SLC41A1: variants seen among roughly 807,000 people sequenced by gnomAD.
SLC41A1 encodes the protein solute carrier family 41 (magnesium transporter), member 1.
In SLC41A1, 20 loss-of-function variants were observed where a neutral mutation model predicts 47.3. The observed-to-expected ratio is 0.42, with a 90% confidence interval of 0.30 to 0.61. The LOEUF (loss-of-function observed/expected upper bound fraction) is 0.61. SLC41A1 is among the 20% of genes least tolerant of loss of function. The pLI, the probability that SLC41A1 is intolerant of heterozygous loss-of-function variation, is 0.17. For synonymous variants in SLC41A1, 282 were observed against 272.7 expected (o/e 1.03, Z -0.34); for missense variants, 504 against 674.1 (o/e 0.75, Z 2.79).
At chr1:205,803,310 C>A (rs192682599) in intron 2 of SLC41A1, among the ~76,000 whole-genome samples, 143 of 152,320 alleles carry the variant, frequency 9.4e-4, no homozygotes, top group Middle Eastern at 3.4e-3. Flanking sequence ...AGCAATCCCA[C>A]TTCTGGATAT....
At position 205,798,185 on chromosome 1, in the gene SLC41A1, T is replaced by C; in HGVS notation, c.845-134A>G. On this transcript the variant is annotated intron_variant, in intron 6 of 10. Transcript: ENST00000367137. ...AATGCCAGTAAACACATTATCCCAT[T>C]TGATCTTCACTGGCAGCTCAGGAGG... 4.4e-6 allele frequency: 6 copies of C among 1,358,518 alleles called. No homozygotes were observed. In the South Asian group the frequency reaches 7.5e-5, roughly 17 times the overall value. 84.2% of individuals were successfully genotyped at this position (1,358,518 alleles called of 1,614,324 possible).
At chr1:205,803,026 G>A (rs568192799) in intron 2 of SLC41A1, among the ~76,000 whole-genome samples, 18 of 152,078 alleles carry the variant, frequency 1.2e-4, no homozygotes, top group Admixed American at 2.0e-4. Context: ...AAAATTAGCC[G>A]GGAATGGTGG....
rs538515698 is a variant in SLC41A1 at position 205,791,217 on chromosome 1, C to T, written c.*316G>A. 10 of 409,564 alleles carry T rather than the reference C, an allele frequency of 2.4e-5. No homozygotes were observed. Among genetic ancestry groups the T allele is most frequent in the South Asian group, 2.2e-4 (10 of 45,580 alleles). 25.4% of individuals were successfully genotyped at this position (409,564 alleles called of 1,614,324 possible). On this transcript the variant is annotated 3_prime_UTR_variant, in exon 11 of 11. Coordinates refer to ENST00000367137, the MANE Select transcript of SLC41A1 (RefSeq NM_173854.6). The surrounding 1 kb of genome is among the most constrained non-coding windows in gnomAD (Gnocchi z 4.0). ...CAAGACAGGTTGCTAAAGCCAAACCCCATGTCCCCAGATTCCAGACAAAAC... is the reference window on the plus strand; with the variant it reads ...CAAGACAGGTTGCTAAAGCCAAACCTCATGTCCCCAGATTCCAGACAAAAC...
intron 1 of SLC41A1, among the ~76,000 whole-genome samples, chr1:205,812,232 CCAAACACACA>C (rs969307482): frequency 6.6e-6 from 1 of 152,170 alleles, no homozygotes; most frequent in African/African-American, 2.4e-5. Flanking sequence ...CTTAAGTATT[CCAAACACACA>C]CAATTAGTCA....
rs1655864553 is a variant in SLC41A1 at position 205,800,956 on chromosome 1, A to G, written c.477T>C (p.Thr159=). 6.2e-7 allele frequency: 1 copy of G among 1,613,828 alleles called. No individual in the cohort carries two copies. Among genetic ancestry groups the G allele is most frequent in the Admixed American group, 1.7e-5 (1 of 60,004 alleles). The change falls in exon 3 of 11, where the codon ACT becomes ACC. Residue 159 remains threonine, a synonymous_variant. Transcript: ENST00000367137. ...LEMTLASRLS[T]AANIGHMDTP... ...TCCTCCCAGCCAGGATACTCACTGCAGTGGAAAGCCTTGATGCCAGGGTCA... is the reference window on the plus strand; with the variant it reads ...TCCTCCCAGCCAGGATACTCACTGCGGTGGAAAGCCTTGATGCCAGGGTCA...
chr1:205,798,312 C>CT (rs1435745100), intron 6 of SLC41A1, among the ~76,000 whole-genome samples: 13 of 152,286 alleles, frequency 8.5e-5, no homozygotes, highest in African/African-American at 2.4e-5. Flanking sequence ...GACAGAGACT[C>CT]TAGGTCTCTT....
Position 205,810,287 on chromosome 1 carries a change from T to G in SLC41A1, c.155A>C (p.Glu52Ala). 3.1e-6 allele frequency: 5 copies of G among 1,614,104 alleles called. 1 individual carries two copies. The highest frequency in any genetic ancestry group is 3.3e-4 in the Middle Eastern group (2 of 6,062). The change falls in exon 2 of 11, where the codon GAG becomes GCG. Residue 52 changes from glutamate to alanine, a missense_variant. This residue lies in a region of SLC41A1 where 83 missense variants were observed against 72.5 expected (regional missense o/e 1.15). Coordinates refer to ENST00000367137, the MANE Select transcript of SLC41A1 (RefSeq NM_173854.6). The surrounding 1 kb of genome is among the most constrained non-coding windows in gnomAD (Gnocchi z 5.5). Reference protein sequence around the residue: ...PDGAGVEVVIESRANAKGVRE... With the variant: ...PDGAGVEVVIASRANAKGVRE... ...AACCCCCTTGGCGTTGGCCCGAGAC[T>G]CAATCACCACCTCTACCCCAGCCCC...
chr1:205,799,663 A>C, intron 4 of SLC41A1, 96 bp downstream of exon 4: 1 of 1,352,536 alleles, frequency 7.4e-7, no homozygotes. Context: ...GATACTGGAG[A>C]TTCACTCAGG....
In SLC41A1 at chr1:205,812,013, A is replaced by C. The variant is rs537858769; in HGVS notation, c.-647+795T>G. On this transcript the variant is annotated intron_variant, in intron 1 of 10. Coordinates refer to ENST00000367137, the MANE Select transcript of SLC41A1 (RefSeq NM_173854.6). Reference sequence around the variant, plus strand: ...AAAAACAAAAGTAGCAATAAAAAAAACCCAAAACAAAAACCAAAGCACCGT... The same window carrying C: ...AAAAACAAAAGTAGCAATAAAAAAACCCCAAAACAAAAACCAAAGCACCGT... 6.8e-4 allele frequency among the ~76,000 whole-genome samples: 103 copies of C among 152,302 alleles called. 1 individual carries two copies. Among genetic ancestry groups the C allele is most frequent in the African/African-American group, 2.4e-3 (99 of 41,566 alleles).
intron 2 of SLC41A1, among the ~76,000 whole-genome samples, chr1:205,802,577 C>T (rs568744542): frequency 3.2e-4 from 49 of 151,722 alleles, no homozygotes; most frequent in African/African-American, 1.1e-3. Flanking sequence ...ATTAGCTGGT[C>T]GTGGTGGCAC....
intron 2 of SLC41A1, among the ~76,000 whole-genome samples, chr1:205,807,241 C>T (rs1033626302): frequency 2.6e-5 from 4 of 152,230 alleles, no homozygotes; most frequent in Non-Finnish European, 5.9e-5. Flanking sequence ...CACTCACCCC[C>T]TCCTGCCATC....
Position 205,813,098 on chromosome 1 carries a change from G to T in SLC41A1, c.-937C>A, listed in dbSNP as rs762361940. On this transcript the variant is annotated 5_prime_UTR_variant, in exon 1 of 11. Transcript: ENST00000367137. ...GCCCGGCGGGGGGGCACCCGGACGGGGGACCGGGGAGCCGAGCTCACGCGC... is the reference window on the plus strand; with the variant it reads ...GCCCGGCGGGGGGGCACCCGGACGGTGGACCGGGGAGCCGAGCTCACGCGC... The T allele has an allele frequency of 3.0e-6, 3 of 985,434 alleles. No individual in the cohort carries two copies. The highest frequency in any genetic ancestry group is 3.6e-6 in the Non-Finnish European group (3 of 830,022). 61.0% of individuals were successfully genotyped at this position (985,434 alleles called of 1,614,324 possible). A position where few individuals can be genotyped will look rare whatever the true frequency, so the allele number is the denominator to read the frequency against.
chr1:205,800,246 G>A lies in SLC41A1; in HGVS notation c.481-416C>T, dbSNP rs1655849185. 1.3e-5 allele frequency among the ~76,000 whole-genome samples: 2 copies of A among 152,348 alleles called. 1 individual carries two copies. The highest frequency in any genetic ancestry group is 6.8e-3 in the Middle Eastern group (2 of 294). On this transcript the variant is annotated intron_variant, in intron 3 of 10. Transcript: ENST00000367137. ...CAGGACTGAGGCTCCAAGAGTATTT[G>A]GGAAGGAGTGGGTGGCATGGGCCAG...
intron 1 of SLC41A1, among the ~76,000 whole-genome samples, chr1:205,811,301 A>G (rs1273884887): frequency 6.6e-6 from 1 of 152,090 alleles, no homozygotes; most frequent in Admixed American, 6.5e-5. Context: ...CCCCACCAGC[A>G]ACCCTCCTGA....
rs372618362 is a variant in SLC41A1 at position 205,810,208 on chromosome 1, G to A, written c.234C>T (p.Asp78=). Residue 78 remains aspartate (D), a synonymous_variant, in exon 2 of 11, where the codon GAC becomes GAT. Coordinates refer to ENST00000367137, the MANE Select transcript of SLC41A1 (RefSeq NM_173854.6). The surrounding 1 kb of genome is among the most constrained non-coding windows in gnomAD (Gnocchi z 5.5). The part of the protein sequence containing the change: ...ENGSQSNESD[D]VSTDRGPAPP... The stretch of plus-strand genomic sequence containing the variant: ...GCGCAGGGCCACGGTCTGTGCTGAC[G>A]TCGTCACTTTCGTTGCTCTGGCTCC... 9.1e-5 allele frequency: 147 copies of A among 1,614,124 alleles called. No individual in the cohort carries two copies. Among genetic ancestry groups the A allele is most frequent in the Admixed American group, 1.7e-4 (10 of 60,010 alleles).
In SLC41A1 at chr1:205,791,345, T is replaced by C. The variant is rs1655622112; in HGVS notation, c.*188A>G. ...TACTGCTTATCTCAGGCCATCTGTGTTTCCCAAATTCTTGCTATACAAACT... is the reference window on the plus strand; with the variant it reads ...TACTGCTTATCTCAGGCCATCTGTGCTTCCCAAATTCTTGCTATACAAACT... On this transcript the variant is annotated 3_prime_UTR_variant, in exon 11 of 11. Transcript: ENST00000367137. The surrounding 1 kb of genome is among the most constrained non-coding windows in gnomAD (Gnocchi z 4.0). The C allele has an allele frequency of 1.1e-5, 8 of 709,578 alleles. No homozygotes were observed. The East Asian group carries it at 2.3e-4, about 20-fold the overall frequency. The allele number at this position is 709,578 out of a possible 1,614,324, so 44.0% of individuals were successfully genotyped here.
At position 205,791,726 on chromosome 1, in the gene SLC41A1, G is replaced by A; in HGVS notation, c.1357-8C>T. The A allele has an allele frequency of 6.2e-7, 1 of 1,612,804 alleles. No homozygotes were observed. Among genetic ancestry groups the A allele is most frequent in the Non-Finnish European group, 8.5e-7 (1 of 1,179,914 alleles). On this transcript the variant is annotated splice_region_variant and splice_polypyrimidine_tract_variant and intron_variant, in intron 10 of 10. Coordinates refer to ENST00000367137, the MANE Select transcript of SLC41A1 (RefSeq NM_173854.6). The surrounding 1 kb of genome is among the most constrained non-coding windows in gnomAD (Gnocchi z 4.0). The stretch of plus-strand genomic sequence containing the variant: ...GTACAGGAGAATCAGCACCTGGGGA[G>A]ACAAAAGGGCCCAGCCTATAGCCAT...
intron 2 of SLC41A1, among the ~76,000 whole-genome samples, chr1:205,808,471 C>A (rs1656067741): frequency 6.6e-6 from 1 of 152,210 alleles, no homozygotes; most frequent in Non-Finnish European, 1.5e-5. Context: ...TTACTATTAT[C>A]CAGAAAATAA....
intron 2 of SLC41A1, among the ~76,000 whole-genome samples, chr1:205,806,756 A>C (rs1447779038): frequency 1.3e-5 from 2 of 152,138 alleles, no homozygotes; most frequent in Non-Finnish European, 2.9e-5. Context: ...CCCTTATTTC[A>C]CTGCAGATGC....
Sources: gnomAD v4.1 joint callset for allele counts (sites outside exome capture counted in the v4.1 genomes callset) on GRCh38, gnomAD v4.1.1 for gene constraint, gnomAD v4.1.1 regional missense constraint, Gnocchi (gnomAD v3.1) non-coding constraint, MANE v1.5 for transcripts, NCBI Gene and HGNC (gene_info 2026-07-23, HGNC 2026-07-21) for gene names.